The following KCNIP4 variants were observed in gnomAD, a reference collection of about 807,000 sequenced individuals.
The protein encoded by KCNIP4 is potassium voltage-gated channel interacting protein 4.
Under a neutral mutation model 34.0 loss-of-function variants are expected in KCNIP4, and 12 were observed. That is an observed-to-expected ratio of 0.35 (90% confidence interval 0.23 to 0.57). The LOEUF (loss-of-function observed/expected upper bound fraction) is 0.57. Ranked by LOEUF, KCNIP4 falls within the 20% of genes least tolerant of loss-of-function variation. The probability of loss-of-function intolerance (pLI) is 0.83; values close to 1 mark genes in which losing one functional copy is unlikely to be tolerated. For synonymous variants in KCNIP4, 124 were observed against 102.2 expected, an observed-to-expected ratio of 1.21 and a Z score of -1.29; for missense variants, 238 against 311.7, an observed-to-expected ratio of 0.76 and a Z score of 1.78.
At chr4:21,133,741 T>C (rs1298954646) in intron 1 of KCNIP4, among the ~76,000 whole-genome samples, 2 of 152,230 alleles carry the variant, frequency 1.3e-5, no homozygotes, top group Non-Finnish European at 2.9e-5. Flanking sequence ...TCTTGTTATG[T>C]GATCTCAGTG....
At chr4:21,340,994 G>A (rs1227432420) in intron 1 of KCNIP4, among the ~76,000 whole-genome samples, 1 of 152,102 alleles carries the variant, frequency 6.6e-6, no homozygotes, top group Non-Finnish European at 1.5e-5. Context: ...GACAAAATTA[G>A]TTTTGTGGAT....
intron 1 of KCNIP4, among the ~76,000 whole-genome samples, chr4:21,013,492 C>T (rs113697821): frequency 9.6e-5 from 13 of 135,058 alleles, no homozygotes; most frequent in African/African-American, 2.8e-4. Flanking sequence ...CAGTTCTTCT[C>T]CACCACTACA....
At chr4:21,690,138 T>A (rs1483842851) in intron 1 of KCNIP4, among the ~76,000 whole-genome samples, 4 of 147,726 alleles carry the variant, frequency 2.7e-5, no homozygotes, top group Non-Finnish European at 6.0e-5. Flanking sequence ...TTATATTATA[T>A]ATATATATAT....
At chr4:21,557,924 G>A (rs1354615846) in intron 1 of KCNIP4, among the ~76,000 whole-genome samples, 1 of 152,158 alleles carries the variant, frequency 6.6e-6, no homozygotes, top group Non-Finnish European at 1.5e-5. Flanking sequence ...ATGAAGAAAT[G>A]TACATGGGAT....
At chr4:21,632,810 T>C (rs1411463953) in intron 1 of KCNIP4, among the ~76,000 whole-genome samples, 1 of 152,142 alleles carries the variant, frequency 6.6e-6, no homozygotes, top group Non-Finnish European at 1.5e-5. Flanking sequence ...CGTAAAGTAA[T>C]GTCAGCTAAA....
chr4:20,946,984 C>T (rs966202292), intron 1 of KCNIP4, among the ~76,000 whole-genome samples: 3 of 152,152 alleles, frequency 2.0e-5, no homozygotes, highest in Non-Finnish European at 4.4e-5. Flanking sequence ...TAGTATACTG[C>T]ATAAGTGATG....
intron 1 of KCNIP4, among the ~76,000 whole-genome samples, chr4:21,104,052 C>A (rs1311723451): frequency 1.3e-5 from 2 of 149,752 alleles, no homozygotes; most frequent in Non-Finnish European, 3.0e-5. Context: ...CATACATGTC[C>A]TTGTCTCTTT....
intron 1 of KCNIP4, among the ~76,000 whole-genome samples, chr4:21,715,697 A>G (rs1010805663): frequency 6.6e-6 from 1 of 152,218 alleles, no homozygotes; most frequent in African/African-American, 2.4e-5. Context: ...TAGAAAAATT[A>G]TATCTGCTCT....
intron 1 of KCNIP4, among the ~76,000 whole-genome samples, chr4:21,504,481 AAGAAAG>A (rs1374720624): frequency 9.1e-5 from 12 of 132,058 alleles, no homozygotes; most frequent in African/African-American, 4.3e-4. Context: ...AAAAAAAAGA[AAGAAAG>A]AAAGAAAGAA....
At chr4:21,268,372 A>C (rs1560234809) in intron 1 of KCNIP4, among the ~76,000 whole-genome samples, 1 of 152,250 alleles carries the variant, frequency 6.6e-6, no homozygotes, top group Non-Finnish European at 1.5e-5. Context: ...GAGGCCTTTA[A>C]TATCAAACAC....
chr4:20,862,892 C>G (rs1235078922), intron 2 of KCNIP4, among the ~76,000 whole-genome samples: 1 of 152,156 alleles, frequency 6.6e-6, no homozygotes, highest in Non-Finnish European at 1.5e-5. Flanking sequence ...ACCGCACGTT[C>G]TTGCTTATAA....
intron 1 of KCNIP4, among the ~76,000 whole-genome samples, chr4:21,469,394 T>C (rs1730268098): frequency 6.6e-6 from 1 of 152,164 alleles, no homozygotes; most frequent in Non-Finnish European, 1.5e-5. Flanking sequence ...TAAAATTTCC[T>C]CTGAGACTTC....
intron 1 of KCNIP4, among the ~76,000 whole-genome samples, chr4:21,123,302 G>A (rs993887677): frequency 2.0e-5 from 3 of 152,064 alleles, no homozygotes; most frequent in Non-Finnish European, 4.4e-5. Context: ...AATGTGACAG[G>A]GACTGTTCTA....
chr4:21,170,801 C>T (rs980639712), intron 1 of KCNIP4, among the ~76,000 whole-genome samples: 1 of 152,106 alleles, frequency 6.6e-6, no homozygotes, highest in Admixed American at 6.6e-5. Flanking sequence ...AGCTGAATTA[C>T]ATTTTTGTAT....
At chr4:21,168,161 GA>G (rs1334001775) in intron 1 of KCNIP4, among the ~76,000 whole-genome samples, 5 of 152,164 alleles carry the variant, frequency 3.3e-5, no homozygotes, top group Non-Finnish European at 5.9e-5. Flanking sequence ...CAACTGGAGA[GA>G]AAGAGAGAAA....
At chr4:21,619,224 A>G (rs926003547) in intron 1 of KCNIP4, among the ~76,000 whole-genome samples, 4 of 152,232 alleles carry the variant, frequency 2.6e-5, no homozygotes, top group African/African-American at 9.6e-5. Flanking sequence ...ATGCTTAGAT[A>G]TTCATTTCCA....
chr4:21,208,166 A>C (rs1011900676), intron 1 of KCNIP4, among the ~76,000 whole-genome samples: 3 of 152,218 alleles, frequency 2.0e-5, no homozygotes, highest in Middle Eastern at 6.8e-3. Flanking sequence ...AGTCATTGAA[A>C]TAGATCAAGT....
chr4:21,025,870 A>C (rs796860152), intron 1 of KCNIP4, among the ~76,000 whole-genome samples: 5 of 152,096 alleles, frequency 3.3e-5, no homozygotes, highest in African/African-American at 1.2e-4. Context: ...CTGGTTTTTA[A>C]AATTTATTTT....
chr4:21,697,766 G>C, intron 1 of KCNIP4: 1 of 745,096 alleles, frequency 1.3e-6, no homozygotes. Flanking sequence ...CCCCTCTCCA[G>C]AAGCAGTTGC....
Sources: allele counts gnomAD v4.1 joint callset (sites outside exome capture counted in the v4.1 genomes callset), GRCh38; gene constraint gnomAD v4.1.1; transcripts MANE v1.5; gene names NCBI Gene and HGNC (gene_info 2026-07-23, HGNC 2026-07-21).